The following ILKAP variants were observed in gnomAD, a reference collection of about 807,000 sequenced individuals.
ILKAP encodes the protein integrin-linked kinase-associated serine/threonine phosphatase 2C.
Under a neutral mutation model 49.1 loss-of-function variants are expected in ILKAP, and 11 were observed. That is an observed-to-expected ratio of 0.22 (90% CI 0.14 to 0.37). The LOEUF is 0.37. Among genes scored for constraint, ILKAP ranks in the 10% least tolerant of loss-of-function variants. The probability of loss-of-function intolerance (pLI) is 1.00; values close to 1 mark genes in which losing one functional copy is unlikely to be tolerated. For missense variants in ILKAP, 363 were observed against 510.8 expected (o/e 0.71, Z 2.79); for synonymous variants, 186 against 192.8 (o/e 0.96, Z 0.29).
chr2:238,186,570 A>T (rs1693917074), intron 5 of ILKAP: 1 of 152,220 alleles, frequency 6.6e-6, no homozygotes, highest in African/African-American at 2.4e-5. Flanking sequence ...GGAGGATATT[A>T]CAGAATTGTT....
chr2:238,190,877 TAA>T (rs57511265), intron 3 of ILKAP, among the ~76,000 whole-genome samples: 5,059 of 94,792 alleles, frequency 0.053, 145 homozygotes, highest in Non-Finnish European at 0.064. Context: ...CGTTTCTCTT[TAA>T]AAAAAAAAAA....
intron 9 of ILKAP, among the ~76,000 whole-genome samples, chr2:238,178,168 C>G (rs1374833929): frequency 6.6e-6 from 1 of 152,158 alleles, no homozygotes; most frequent in East Asian, 1.9e-4. Flanking sequence ...CAGCAAGGAA[C>G]ACAAACTAAA....
intron 3 of ILKAP, among the ~76,000 whole-genome samples, chr2:238,193,775 C>T (rs1694239778): frequency 6.6e-6 from 1 of 152,216 alleles, no homozygotes. Context: ...CTCACCTTCC[C>T]CAACCAGAGG....
intron 3 of ILKAP, among the ~76,000 whole-genome samples, chr2:238,192,417 G>A (rs981901031): frequency 2.6e-5 from 4 of 151,316 alleles, no homozygotes; most frequent in Admixed American, 2.0e-4. Flanking sequence ...ATGTGTTATC[G>A]GGCCGGGCAA....
intron 9 of ILKAP, among the ~76,000 whole-genome samples, chr2:238,180,886 G>A (rs1438774929): frequency 6.6e-6 from 1 of 152,230 alleles, no homozygotes; most frequent in East Asian, 1.9e-4. Context: ...AGAAAGGGGA[G>A]AAGAGGTGAT....
chr2:238,179,671 G>A (rs1271545340), intron 9 of ILKAP, among the ~76,000 whole-genome samples: 2 of 152,112 alleles, frequency 1.3e-5, no homozygotes, highest in African/African-American at 2.4e-5. Context: ...TTAATTAAGG[G>A]TCACATTATG....
At chr2:238,188,849 CCAGA>C (rs1312553315) in intron 4 of ILKAP, among the ~76,000 whole-genome samples, 1 of 152,100 alleles carries the variant, frequency 6.6e-6, no homozygotes, top group African/African-American at 2.4e-5. Context: ...ATACCTAATG[CCAGA>C]CAAATAATAA....
At chr2:238,203,406 G>C (rs1553597205) in intron 1 of ILKAP, 93 bp downstream of exon 1, 1 of 521,526 alleles carries the variant, frequency 1.9e-6, no homozygotes, top group Non-Finnish European at 2.6e-6. Context: ...CCGCCTCCCA[G>C]CGCGGGCGCC....
chr2:238,189,531 T>C (rs992307070), intron 4 of ILKAP, among the ~76,000 whole-genome samples: 1 of 152,130 alleles, frequency 6.6e-6, no homozygotes, highest in Admixed American at 6.5e-5. Flanking sequence ...AAACAAAGAT[T>C]GGAAGTCAGA....
chr2:238,194,368 A>T (rs368294632), intron 2 of ILKAP, 37 bp from the exon 3 acceptor site: 3 of 1,597,128 alleles, frequency 1.9e-6, no homozygotes, highest in African/African-American at 1.3e-5. Context: ...GCCCACAAAA[A>T]ATATGTAAGA....
chr2:238,197,634 T>TG (rs982049496), intron 1 of ILKAP, among the ~76,000 whole-genome samples: 4 of 152,216 alleles, frequency 2.6e-5, no homozygotes, highest in Non-Finnish European at 4.4e-5. Context: ...AATACTAGCC[T>TG]GGCCGCCTCT....
At chr2:238,181,744 TCCCGAGTAGCTGGGACTACAGGCG>T (rs1446108149) in intron 9 of ILKAP, among the ~76,000 whole-genome samples, 4 of 151,870 alleles carry the variant, frequency 2.6e-5, no homozygotes, top group African/African-American at 9.7e-5. Context: ...TGCCTCAGCC[TCCCGAGTAGCTGGGACTACAGGCG>T]CCCGCCACCA....
intron 10 of ILKAP, among the ~76,000 whole-genome samples, chr2:238,172,234 T>C (rs1405396724): frequency 6.6e-6 from 1 of 152,120 alleles, no homozygotes; most frequent in East Asian, 1.9e-4. Flanking sequence ...GTATTTTTGG[T>C]AGAGATGAGG....
At chr2:238,192,833 GA>G (rs1305844301) in intron 3 of ILKAP, among the ~76,000 whole-genome samples, 1 of 152,038 alleles carries the variant, frequency 6.6e-6, no homozygotes, top group East Asian at 1.9e-4. Context: ...GCCAATATGG[GA>G]AAACCCTGTC....
At chr2:238,189,676 T>C (rs1443210617) in intron 4 of ILKAP, 177 bp downstream of exon 4, 2 of 514,868 alleles carry the variant, frequency 3.9e-6, no homozygotes, top group Admixed American at 6.7e-5. Flanking sequence ...TAGATGTACA[T>C]GAAAAGTAGG....
chr2:238,179,421 G>T (rs1034518544), intron 9 of ILKAP, among the ~76,000 whole-genome samples: 2 of 152,192 alleles, frequency 1.3e-5, no homozygotes, highest in Admixed American at 1.3e-4. Context: ...TTGATGATAA[G>T]AAGTTTCTTT....
rs1277534064 is a variant in ILKAP, at chr2:238,194,221, G to C, written c.178+54C>G. 3 of 1,473,264 alleles carry C rather than the reference G, an allele frequency of 2.0e-6. No individual in the cohort carries two copies. The African/African-American group carries it at 4.2e-5, about 20-fold the overall frequency. 91.3% of individuals were successfully genotyped at this position (1,473,264 alleles called of 1,614,324 possible). On this transcript the variant is annotated intron_variant, in intron 3 of 11. Coordinates refer to ENST00000254654, the MANE Select transcript of ILKAP (RefSeq NM_030768.3). ...ACCTATACATAAATTTCACATAAGA[G>C]TAAAATACTATGTATTATTTCCATC...
At chr2:238,185,140 TA>T in intron 6 of ILKAP, 40 bp downstream of exon 6, 1 of 1,290,628 alleles carries the variant, frequency 7.7e-7, no homozygotes, top group Non-Finnish European at 1.1e-6. Context: ...CAAACAGCAA[TA>T]ACCAATTTGA....
intron 5 of ILKAP, chr2:238,186,930 G>A (rs1300360502): frequency 6.6e-6 from 1 of 152,140 alleles, no homozygotes; most frequent in African/African-American, 2.4e-5. Context: ...TGCCTTCTTG[G>A]GCTCCAGAGG....
Sources: gnomAD v4.1 joint callset for allele counts (sites outside exome capture counted in the v4.1 genomes callset) on GRCh38, gnomAD v4.1.1 for gene constraint, MANE v1.5 for transcripts, NCBI Gene and HGNC (gene_info 2026-07-23, HGNC 2026-07-21) for gene names.